The following DNAH14 variants were observed in gnomAD, a reference collection of about 807,000 sequenced individuals.
DNAH14 encodes dynein axonemal heavy chain 14, also known as axonemal beta dynein heavy chain 14.
Under a neutral mutation model 520.9 loss-of-function variants are expected in DNAH14, and 478 were observed. That is an observed-to-expected ratio of 0.92 (90% CI 0.85 to 0.99). The LOEUF (loss-of-function observed/expected upper bound fraction) is 0.99. Among genes scored for constraint, DNAH14 ranks in the 50% least tolerant of loss-of-function variants. DNAH14 has a pLI of 0.00. For missense variants in DNAH14, 4,831 were observed against 5,234.5 expected, an observed-to-expected ratio of 0.92 and a Z score of 2.38; for synonymous variants, 1,581 against 1,757.2, an observed-to-expected ratio of 0.90 and a Z score of 2.51.
At chr1:224,963,394 A>T (rs926861247) in intron 4 of DNAH14, among the ~76,000 whole-genome samples, 13 of 152,048 alleles carry the variant, frequency 8.5e-5, no homozygotes, top group Non-Finnish European at 2.9e-5. Context: ...TAGTATTTCT[A>T]TAATTTGTTT....
At chr1:225,059,594 T>G (rs1443003607) in intron 17 of DNAH14, among the ~76,000 whole-genome samples, 4 of 152,214 alleles carry the variant, frequency 2.6e-5, no homozygotes, top group Non-Finnish European at 5.9e-5. Flanking sequence ...TATTTTGCTC[T>G]TTAGTTGATG....
rs778841007 is a variant in DNAH14, at chr1:225,140,907, C to G, written c.4394C>G (p.Ser1465Cys). ...ADLVVLDTSNSRTKAILGALL... is the reference protein window; with the variant it reads ...ADLVVLDTSNCRTKAILGALL... Reference sequence around the variant, plus strand: ...CTGGTAGTGCTGGATACTAGTAACTCTCGAACAAAAGCTATACTAGGGGCA... The same window carrying G: ...CTGGTAGTGCTGGATACTAGTAACTGTCGAACAAAAGCTATACTAGGGGCA... The change falls in exon 28 of 86, where the codon TCT becomes TGT. Residue 1465 changes from serine to cysteine, a missense_variant. Transcript: ENST00000682510. 5.8e-6 allele frequency: 9 copies of G among 1,551,364 alleles called. No homozygotes were observed. Among genetic ancestry groups the G allele is most frequent in the Non-Finnish European group, 7.8e-6 (9 of 1,146,920 alleles).
Position 225,208,246 on chromosome 1 carries a change from T to C in DNAH14, c.6439+1026T>C, listed in dbSNP as rs141210076. 2.1e-3 allele frequency among the ~76,000 whole-genome samples: 312 copies of C among 151,932 alleles called. 1 individual carries two copies. Among genetic ancestry groups the C allele is most frequent in the African/African-American group, 7.2e-3 (298 of 41,424 alleles). ...TTCACACTTCTGAATTCATCAGAAG[T>C]GTAACCCAGGAAAGTTGCAGTACTG... is the stretch of plus-strand genomic sequence containing the variant. On this transcript the variant is annotated intron_variant, in intron 41 of 85. Transcript: ENST00000682510.
intron 41 of DNAH14, among the ~76,000 whole-genome samples, chr1:225,214,367 C>A (rs2088950941): frequency 6.6e-6 from 1 of 152,034 alleles, no homozygotes; most frequent in Non-Finnish European, 1.5e-5. Context: ...GTCTAAAATT[C>A]TCTTTTTTGG....
At position 225,059,780 on chromosome 1, in the gene DNAH14, T is replaced by C. The variant is rs891712472; in HGVS notation, c.2424+7985T>C. On this transcript the variant is annotated intron_variant, in intron 17 of 85. Transcript: ENST00000682510. ...GTAAAGGATTTTATTTCTCCTTCAC[T>C]TATGGAGCTTAGTTTGGCTGGATAT... is the stretch of plus-strand genomic sequence containing the variant. Among the ~76,000 whole-genome samples, 3 of 152,170 alleles carry C rather than the reference T, an allele frequency of 2.0e-5. No individual in the cohort carries two copies. The South Asian group carries it at 6.2e-4, about 32-fold the overall frequency.
intron 27 of DNAH14, among the ~76,000 whole-genome samples, chr1:225,137,416 T>G (rs2079041613): frequency 6.6e-6 from 1 of 152,108 alleles, no homozygotes; most frequent in Non-Finnish European, 1.5e-5. Flanking sequence ...AGTGCAGTGG[T>G]GCAATCTCAG....
intron 61 of DNAH14, among the ~76,000 whole-genome samples, chr1:225,318,915 T>C (rs1177823650): frequency 1.3e-5 from 2 of 152,196 alleles, no homozygotes; most frequent in African/African-American, 4.8e-5. Flanking sequence ...ATTTTTTGTA[T>C]CCTGAAGAAA....
At chr1:225,057,594 C>A (rs912821427) in intron 17 of DNAH14, among the ~76,000 whole-genome samples, 1 of 152,124 alleles carries the variant, frequency 6.6e-6, no homozygotes, top group African/African-American at 2.4e-5. Context: ...AGAGGGCATC[C>A]CTGTCTTGTG....
chr1:225,151,834 G>C (rs1221964090), intron 31 of DNAH14, 171 bp from the exon 32 acceptor site: 2 of 712,570 alleles, frequency 2.8e-6, no homozygotes, highest in Admixed American at 4.3e-5. Flanking sequence ...CTTTGGCTCA[G>C]CATGAGCCTC....
At chr1:225,227,754 T>C (rs2090682032) in intron 41 of DNAH14, among the ~76,000 whole-genome samples, 1 of 152,148 alleles carries the variant, frequency 6.6e-6, no homozygotes, top group Non-Finnish European at 1.5e-5. Context: ...GCCTAGGACA[T>C]CTTAGCACCT....
chr1:225,074,031 G>T (rs1295728714), intron 17 of DNAH14, among the ~76,000 whole-genome samples: 1 of 100,154 alleles, frequency 1.0e-5, no homozygotes, highest in Non-Finnish European at 1.8e-5. Context: ...ACGGAGTCTC[G>T]CTCTGTCGCC....
intron 10 of DNAH14, among the ~76,000 whole-genome samples, chr1:225,023,069 C>A (rs1017421170): frequency 6.6e-6 from 1 of 152,052 alleles, no homozygotes. Context: ...ATGGGAACAA[C>A]AGACACTGGA....
intron 8 of DNAH14, among the ~76,000 whole-genome samples, chr1:224,992,997 G>A (rs1344633824): frequency 6.6e-6 from 1 of 152,050 alleles, no homozygotes; most frequent in Non-Finnish European, 1.5e-5. Context: ...TTAATGTGAT[G>A]TATCACATTT....
At position 225,351,752 on chromosome 1, in the gene DNAH14, G is replaced by A; in HGVS notation, c.11402G>A (p.Cys3801Tyr). 6.4e-7 allele frequency: 1 copy of A among 1,551,292 alleles called. No individual in the cohort carries two copies. Among genetic ancestry groups the A allele is most frequent in the Non-Finnish European group, 8.7e-7 (1 of 1,146,758 alleles). ...CACCTGGAACCATTTTCACTTCTGT[G>A]CAAATCCCTTTTATCAAACGTATCA... is the stretch of plus-strand genomic sequence containing the variant. ...STHLEPFSLL[C>Y]KSLLSNVSQW... is the part of the protein sequence containing the mutation. The change falls in exon 72 of 86, where the codon TGC (cysteine) becomes TAC (tyrosine). Residue 3801 changes from cysteine (C) to tyrosine (Y), a missense_variant. Transcript: ENST00000682510.
intron 54 of DNAH14, among the ~76,000 whole-genome samples, chr1:225,281,057 T>C (rs1235706643): frequency 1.3e-5 from 2 of 152,186 alleles, no homozygotes; most frequent in Non-Finnish European, 2.9e-5. Context: ...TAGGTAAATA[T>C]AGGGCCATGT....
intron 1 of DNAH14, among the ~76,000 whole-genome samples, chr1:224,950,137 A>G (rs1358599618): frequency 2.0e-5 from 3 of 151,884 alleles, no homozygotes; most frequent in African/African-American, 7.3e-5. Context: ...TTTAGATTTT[A>G]TTTACTATCT....
intron 36 of DNAH14, among the ~76,000 whole-genome samples, chr1:225,174,816 A>G (rs2083135233): frequency 6.6e-6 from 1 of 152,168 alleles, no homozygotes; most frequent in African/African-American, 2.4e-5. Context: ...GGTTTGTCGT[A>G]TATTCACTTT....
At chr1:225,341,979 T>A (rs970863700) in intron 69 of DNAH14, among the ~76,000 whole-genome samples, 67 of 152,140 alleles carry the variant, frequency 4.4e-4, no homozygotes, top group African/African-American at 1.5e-3. Context: ...AAAATACAAA[T>A]GCCCAGTGGG....
intron 27 of DNAH14, among the ~76,000 whole-genome samples, chr1:225,136,499 T>G (rs2078964124): frequency 6.6e-6 from 1 of 152,190 alleles, no homozygotes; most frequent in African/African-American, 2.4e-5. Context: ...CTTCTGGCTT[T>G]CAGGGTTTCC....
Sources: allele counts gnomAD v4.1 joint callset (sites outside exome capture counted in the v4.1 genomes callset), GRCh38; gene constraint gnomAD v4.1.1; transcripts MANE v1.5; gene names NCBI Gene and HGNC (gene_info 2026-07-23, HGNC 2026-07-21).